CA10: variants seen among roughly 807,000 people sequenced by gnomAD.
CA10 encodes the protein carbonic anhydrase-related protein 10.
In CA10, 14 loss-of-function variants were observed where a neutral mutation model predicts 44.2. That is an observed-to-expected ratio of 0.32 (90% CI 0.21 to 0.50). The LOEUF (loss-of-function observed/expected upper bound fraction) is 0.50. Ranked by LOEUF, CA10 falls within the 20% of genes least tolerant of loss-of-function variation. CA10 has a pLI of 0.99. For synonymous variants in CA10, 159 were observed against 141.6 expected (o/e 1.12, Z -0.87); for missense variants, 350 against 409.7 (o/e 0.85, Z 1.26).
chr17:51,784,394 G>A (rs1284069937), intron 3 of CA10, among the ~76,000 whole-genome samples: 1 of 152,180 alleles, frequency 6.6e-6, no homozygotes, highest in South Asian at 2.1e-4. Context: ...AAATTAGGGA[G>A]GTTTAATTTA....
chr17:52,052,294 T>TTC (rs1987097252), intron 2 of CA10, among the ~76,000 whole-genome samples: 1 of 11,950 alleles, frequency 8.4e-5, no homozygotes, highest in Admixed American at 1.6e-3. Context: ...AAAGGCTTTT[T>TTC]TTTTTAAAAA....
chr17:51,897,064 CTTTAG>C (rs1310617920), intron 3 of CA10, among the ~76,000 whole-genome samples: 2 of 151,962 alleles, frequency 1.3e-5, no homozygotes, highest in African/African-American at 4.8e-5. Flanking sequence ...TTTAGAAGCC[CTTTAG>C]TTTAATTATA....
At chr17:52,048,284 C>A (rs555344016) in intron 2 of CA10, among the ~76,000 whole-genome samples, 1 of 152,074 alleles carries the variant, frequency 6.6e-6, no homozygotes, top group South Asian at 2.1e-4. Flanking sequence ...CACTGGAAAG[C>A]AAGACAAAGG....
intron 3 of CA10, among the ~76,000 whole-genome samples, chr17:51,878,800 A>C (rs1409950473): frequency 7.8e-6 from 1 of 128,044 alleles, no homozygotes; most frequent in Non-Finnish European, 1.6e-5. Context: ...GTGCTCTTCC[A>C]AGGAACTCTT....
At chr17:51,904,180 G>A (rs915228672) in intron 3 of CA10, among the ~76,000 whole-genome samples, 1 of 150,386 alleles carries the variant, frequency 6.6e-6, no homozygotes, top group African/African-American at 2.5e-5. Flanking sequence ...AACCCTTGAT[G>A]TATGTAATGT....
intron 2 of CA10, among the ~76,000 whole-genome samples, chr17:52,069,054 T>C (rs1312761616): frequency 6.6e-6 from 1 of 152,188 alleles, no homozygotes; most frequent in Non-Finnish European, 1.5e-5. Flanking sequence ...CCTTTTTCTT[T>C]GGGGACATTG....
intron 3 of CA10, among the ~76,000 whole-genome samples, chr17:51,829,521 G>A (rs1242436460): frequency 2.0e-5 from 3 of 152,286 alleles, no homozygotes; most frequent in South Asian, 2.1e-4. Context: ...TTAGGAAAAG[G>A]AGTCATGAGG....
intron 1 of CA10, among the ~76,000 whole-genome samples, chr17:52,095,884 C>A (rs547876311): frequency 6.6e-6 from 1 of 152,084 alleles, no homozygotes; most frequent in Admixed American, 6.6e-5. Context: ...ACATGACGTG[C>A]TAAATGAACA....
chr17:51,999,727 C>T (rs984850043), intron 2 of CA10, among the ~76,000 whole-genome samples: 14 of 152,124 alleles, frequency 9.2e-5, no homozygotes, highest in Non-Finnish European at 1.3e-4. Flanking sequence ...TTATAGGTTC[C>T]AGCCTGTCCA....
chr17:51,765,288 A>G (rs1460469324), intron 3 of CA10, among the ~76,000 whole-genome samples: 1 of 152,180 alleles, frequency 6.6e-6, no homozygotes. Context: ...TCCCTCAATG[A>G]GTGGTCTGGG....
chr17:52,072,316 T>C lies in CA10; in HGVS notation c.136+3A>G. The C allele has an allele frequency of 6.3e-7, 1 of 1,593,900 alleles. No individual in the cohort carries two copies. The highest frequency in any genetic ancestry group is 8.6e-7 in the Non-Finnish European group (1 of 1,161,826). On this transcript the variant is annotated splice_donor_region_variant and intron_variant, in intron 2 of 8. Coordinates refer to ENST00000451037, the MANE Select transcript of CA10 (RefSeq NM_020178.5). Reference sequence around the variant, plus strand: ...ATAAATTAAAGAATTAATGTGTACTTACCTGGAACAAAGCTTCCCTGGACC... The same window carrying C: ...ATAAATTAAAGAATTAATGTGTACTCACCTGGAACAAAGCTTCCCTGGACC...
At chr17:52,004,131 C>T (rs1157798331) in intron 2 of CA10, among the ~76,000 whole-genome samples, 4 of 151,818 alleles carry the variant, frequency 2.6e-5, no homozygotes, top group Admixed American at 6.6e-5. Context: ...GCAATTTGCC[C>T]ATCTTTACAG....
At chr17:51,923,899 C>A (rs2143977820) in intron 3 of CA10, among the ~76,000 whole-genome samples, 1 of 152,116 alleles carries the variant, frequency 6.6e-6, no homozygotes, top group South Asian at 2.1e-4. Context: ...ACTCTTGGTT[C>A]CATTCAAATC....
chr17:52,105,870 T>C (rs980734771), intron 1 of CA10, among the ~76,000 whole-genome samples: 1 of 152,154 alleles, frequency 6.6e-6, no homozygotes, highest in Non-Finnish European at 1.5e-5. Flanking sequence ...ATAAACAGCA[T>C]AAAAGAAGTA....
At chr17:52,116,033 A>C (rs2143299711) in intron 1 of CA10, among the ~76,000 whole-genome samples, 1 of 151,868 alleles carries the variant, frequency 6.6e-6, no homozygotes, top group East Asian at 1.9e-4. Context: ...CGGAGATTGC[A>C]GTGAGCTGAG....
chr17:51,630,820 A>T lies in CA10; in HGVS notation c.*764T>A, dbSNP rs1912537300. On this transcript the variant is annotated 3_prime_UTR_variant, in exon 9 of 9. Transcript: ENST00000451037. Reference sequence around the variant, plus strand: ...TGAGCTGGTAACAATAACCAAACACAATGTATGACCTTTGGAAAACAAGAA... The same window carrying T: ...TGAGCTGGTAACAATAACCAAACACTATGTATGACCTTTGGAAAACAAGAA... 2 of 152,640 alleles carry T rather than the reference A, an allele frequency of 1.3e-5. No homozygotes were observed. Among genetic ancestry groups the T allele is most frequent in the Non-Finnish European group, 2.9e-5 (2 of 68,046 alleles). The allele number at this position is 152,640 out of a possible 1,614,324, so 9.5% of individuals were successfully genotyped here.
At chr17:51,660,709 C>T (rs956287933) in intron 4 of CA10, among the ~76,000 whole-genome samples, 21 of 152,170 alleles carry the variant, frequency 1.4e-4, no homozygotes, top group East Asian at 1.9e-4. Context: ...CCACACGTGG[C>T]GTTCACAGTG....
At chr17:51,726,009 C>A (rs1916507991) in intron 4 of CA10, among the ~76,000 whole-genome samples, 1 of 152,202 alleles carries the variant, frequency 6.6e-6, no homozygotes, top group South Asian at 2.1e-4. Flanking sequence ...AGTAGTGATG[C>A]TGGTGGGGTT....
chr17:52,090,100 C>A (rs146237067), intron 1 of CA10, among the ~76,000 whole-genome samples: 6 of 152,030 alleles, frequency 3.9e-5, no homozygotes, highest in African/African-American at 1.4e-4. Flanking sequence ...TAACTGTAAA[C>A]GTGTTTTTAA....
Sources: gnomAD v4.1 joint callset for allele counts (sites outside exome capture counted in the v4.1 genomes callset) on GRCh38, gnomAD v4.1.1 for gene constraint, MANE v1.5 for transcripts, NCBI Gene and HGNC (gene_info 2026-07-23, HGNC 2026-07-21) for gene names.